The following BBS9 variants were observed in gnomAD, a reference collection of about 807,000 sequenced individuals.
BBS9 encodes Bardet-Biedl syndrome 9, also known as protein PTHB1.
BBS9 carries 89 observed loss-of-function variants against 117.7 expected under a neutral mutation model. That is an observed-to-expected ratio of 0.76 (90% CI 0.64 to 0.90). The LOEUF is 0.90. Among genes scored for constraint, BBS9 ranks in the 40% least tolerant of loss-of-function variants. The pLI, the probability that BBS9 is intolerant of heterozygous loss-of-function variation, is 0.00. For synonymous variants in BBS9, 379 were observed against 370.9 expected (o/e 1.02, Z -0.25); for missense variants, 982 against 1,042.2 (o/e 0.94, Z 0.80).
intron 21 of BBS9, among the ~76,000 whole-genome samples, chr7:33,633,330 G>A (rs1471675978): frequency 2.6e-5 from 4 of 151,164 alleles, no homozygotes; most frequent in South Asian, 2.1e-4. Flanking sequence ...ACTTTAAAAA[G>A]CACTTGATTG....
intron 19 of BBS9, 62 bp downstream of exon 19, chr7:33,388,206 G>C: frequency 6.4e-7 from 1 of 1,558,396 alleles, no homozygotes; most frequent in Non-Finnish European, 8.8e-7. Context: ...TCACCCTAGA[G>C]TCATGTACCA....
chr7:33,422,517 C>T (rs999290917), intron 19 of BBS9, among the ~76,000 whole-genome samples: 1 of 152,152 alleles, frequency 6.6e-6, no homozygotes, highest in Non-Finnish European at 1.5e-5. Context: ...AGAATATTGG[C>T]TAAGTAGTAA....
intron 21 of BBS9, among the ~76,000 whole-genome samples, chr7:33,569,756 C>A (rs1239151774): frequency 2.6e-5 from 4 of 151,864 alleles, no homozygotes; most frequent in Non-Finnish European, 1.5e-5. Context: ...AGCGAAACTC[C>A]GTTTCAAAAA....
intron 21 of BBS9, among the ~76,000 whole-genome samples, chr7:33,554,952 G>A (rs1017980128): frequency 3.1e-4 from 47 of 152,168 alleles, no homozygotes; most frequent in African/African-American, 1.1e-3. Context: ...GCCAAGCGAA[G>A]GGAGGATTTC....
chr7:33,473,604 C>T (rs1841397978), intron 19 of BBS9, among the ~76,000 whole-genome samples: 1 of 152,178 alleles, frequency 6.6e-6, no homozygotes, highest in Non-Finnish European at 1.5e-5. Context: ...GGATTACAGG[C>T]TTGAGCTACC....
chr7:33,487,300 T>C (rs1296712839), intron 19 of BBS9, among the ~76,000 whole-genome samples: 1 of 152,202 alleles, frequency 6.6e-6, no homozygotes, highest in Non-Finnish European at 1.5e-5. Flanking sequence ...ACTCTTTCCA[T>C]GTAAATTAGC....
At chr7:33,347,102 CA>C (rs1223702469) in intron 12 of BBS9, among the ~76,000 whole-genome samples, 2 of 152,180 alleles carry the variant, frequency 1.3e-5, no homozygotes, top group East Asian at 3.9e-4. Context: ...TGGCCTTGGG[CA>C]AATTACTTAG....
At chr7:33,599,413 G>C (rs568949498) in intron 21 of BBS9, among the ~76,000 whole-genome samples, 8 of 152,052 alleles carry the variant, frequency 5.3e-5, no homozygotes, top group East Asian at 1.9e-4. Flanking sequence ...TCCTGACTTT[G>C]GCCTGAAAAT....
rs541683716 is a variant in BBS9, at chr7:33,378,527, G to C, written c.1790-5139G>C. On this transcript the variant is annotated intron_variant, in intron 17 of 22. Transcript: ENST00000242067. ...GCCCAATATGGGGGGATTGAGATGG[G>C]CCTTTCGGAGAGCTCATAGGCCCCT... Among the ~76,000 whole-genome samples the C allele has an allele frequency of 2.5e-4, 38 of 152,272 alleles. 1 individual carries two copies. Among genetic ancestry groups the C allele is most frequent in the African/African-American group, 7.7e-4 (32 of 41,564 alleles).
At chr7:33,171,040 A>G (rs1034951779) in intron 4 of BBS9, among the ~76,000 whole-genome samples, 9 of 150,858 alleles carry the variant, frequency 6.0e-5, no homozygotes, top group African/African-American at 2.2e-4. Flanking sequence ...AAGGTAATTT[A>G]CAGATTCAAT....
chr7:33,501,661 T>G (rs1845462093), intron 19 of BBS9, among the ~76,000 whole-genome samples: 1 of 152,190 alleles, frequency 6.6e-6, no homozygotes, highest in Non-Finnish European at 1.5e-5. Flanking sequence ...ATTTTTCCCT[T>G]GATAGTGAGG....
chr7:33,486,156 GTT>G (rs919341038), intron 19 of BBS9, among the ~76,000 whole-genome samples: 7 of 151,404 alleles, frequency 4.6e-5, no homozygotes, highest in African/African-American at 1.5e-4. Flanking sequence ...CTAAGGCACA[GTT>G]TTTTTTTCCC....
intron 13 of BBS9, 86 bp downstream of exon 13, chr7:33,349,256 T>C (rs777871855): frequency 5.3e-6 from 5 of 941,280 alleles, no homozygotes; most frequent in Non-Finnish European, 8.6e-6. Flanking sequence ...TATTATTTCA[T>C]GTCTGAATGG....
At chr7:33,527,230 A>G (rs1246295894) in intron 20 of BBS9, among the ~76,000 whole-genome samples, 1 of 152,188 alleles carries the variant, frequency 6.6e-6, no homozygotes, top group African/African-American at 2.4e-5. Flanking sequence ...CCAGAGGTGG[A>G]GCCTACAGAA....
At chr7:33,152,885 G>C in intron 3 of BBS9, 34 bp downstream of exon 3, 1 of 1,606,896 alleles carries the variant, frequency 6.2e-7, no homozygotes, top group Non-Finnish European at 8.5e-7. Flanking sequence ...TATTTTACTT[G>C]GAGTATGTCA....
At chr7:33,586,118 G>A (rs555475218) in intron 21 of BBS9, among the ~76,000 whole-genome samples, 5 of 152,096 alleles carry the variant, frequency 3.3e-5, no homozygotes, top group South Asian at 2.1e-4. Context: ...TAATTTGCCC[G>A]GGAGCTAACT....
intron 20 of BBS9, among the ~76,000 whole-genome samples, chr7:33,510,845 A>C (rs1846847220): frequency 6.6e-6 from 1 of 152,198 alleles, no homozygotes; most frequent in Admixed American, 6.5e-5. Flanking sequence ...ACATCTTATC[A>C]GTTGAGTTGA....
chr7:33,492,811 AGTGTGTGTGTGTGT>A lies in BBS9; in HGVS notation c.2116-12621_2116-12608del, dbSNP rs57870306. Among the ~76,000 whole-genome samples the A allele has an allele frequency of 5.9e-3, 779 of 131,660 alleles. 7 individuals are homozygous for A. The highest frequency in any genetic ancestry group is 0.015 in the Middle Eastern group (4 of 272). 86.4% of individuals were successfully genotyped at this position (131,660 alleles called of 152,430 possible). A position where few individuals can be genotyped will look rare whatever the true frequency, so the allele number is the denominator to read the frequency against. Reference sequence around the variant, plus strand: ...GCACTTATCATCTAGTATAGGAGTGAGTGTGTGTGTGTGTGTGTGTGTGTGTGTGTGTGTGTGTG... The same window carrying A: ...GCACTTATCATCTAGTATAGGAGTGAGTGTGTGTGTGTGTGTGTGTGTGTG... On this transcript the variant is annotated intron_variant, in intron 19 of 22. Transcript: ENST00000242067.
At chr7:33,269,513 C>T (rs1019387878) in intron 7 of BBS9, among the ~76,000 whole-genome samples, 2 of 152,156 alleles carry the variant, frequency 1.3e-5, no homozygotes, top group Non-Finnish European at 2.9e-5. Context: ...TCCTCTGCTG[C>T]CTCTAAGCTG....
Sources: allele counts gnomAD v4.1 joint callset (sites outside exome capture counted in the v4.1 genomes callset), GRCh38; gene constraint gnomAD v4.1.1; transcripts MANE v1.5; gene names NCBI Gene and HGNC (gene_info 2026-07-23, HGNC 2026-07-21).